Variants in ZNF704 observed in about 807,000 individuals in gnomAD.
ZNF704 encodes glucocorticoid induced gene 1.
Under a neutral mutation model 44.7 loss-of-function variants are expected in ZNF704, and 10 were observed. The observed-to-expected ratio is 0.22, with a 90% CI of 0.14 to 0.38. ZNF704 has a LOEUF of 0.38. Among genes scored for constraint, ZNF704 ranks in the 10% least tolerant of loss-of-function variants. The probability of loss-of-function intolerance (pLI) is 1.00; values close to 1 mark genes in which losing one functional copy is unlikely to be tolerated. For synonymous variants in ZNF704, 211 were observed against 207.6 expected (o/e 1.02, Z -0.14); for missense variants, 390 against 545.5 (o/e 0.71, Z 2.84).
intron 2 of ZNF704, among the ~76,000 whole-genome samples, chr8:80,811,919 G>A (rs770052980): frequency 6.6e-6 from 1 of 152,110 alleles, no homozygotes. Context: ...TCAAAGGCAC[G>A]TGAACCCTAT....
chr8:80,765,138 G>A (rs188780989), intron 2 of ZNF704, among the ~76,000 whole-genome samples: 116 of 152,256 alleles, frequency 7.6e-4, no homozygotes, highest in African/African-American at 2.8e-3. Flanking sequence ...CAGGCCTTGG[G>A]GGGGCCACTG....
intron 2 of ZNF704, among the ~76,000 whole-genome samples, chr8:80,753,630 T>C (rs532968436): frequency 3.3e-5 from 5 of 152,314 alleles, no homozygotes; most frequent in Admixed American, 6.5e-5. Flanking sequence ...CCCCTTCCAA[T>C]TCTAACGAGT....
At chr8:80,838,481 A>C (rs899065201) in intron 1 of ZNF704, among the ~76,000 whole-genome samples, 3 of 152,122 alleles carry the variant, frequency 2.0e-5, no homozygotes, top group African/African-American at 7.2e-5. Context: ...GGTGATGAAG[A>C]AGCACAGACT....
In ZNF704 at chr8:80,784,008, A is replaced by T. The variant is rs140902690; in HGVS notation, c.221+37366T>A. 2.4e-3 allele frequency among the ~76,000 whole-genome samples: 370 copies of T among 151,990 alleles called. 2 individuals are homozygous for T. The highest frequency in any genetic ancestry group is 8.6e-3 in the African/African-American group (355 of 41,436). ...TAGCCTTTTCAGATTGGCTTCTTTCACTTAGTGGTGTGCATTTAAGCTTCT... is the reference window on the plus strand; with the variant it reads ...TAGCCTTTTCAGATTGGCTTCTTTCTCTTAGTGGTGTGCATTTAAGCTTCT... On this transcript the variant is annotated intron_variant, in intron 2 of 8. Transcript: ENST00000327835.
At chr8:80,774,050 C>CTT (rs113962202) in intron 2 of ZNF704, among the ~76,000 whole-genome samples, 1 of 142,962 alleles carries the variant, frequency 7.0e-6, no homozygotes, top group South Asian at 2.3e-4. Flanking sequence ...TTTAAATCTT[C>CTT]TTTTTTTTTT....
rs536258333 is a variant in ZNF704 at position 80,709,734 on chromosome 8, G to A, written c.222-16627C>T. Among the ~76,000 whole-genome samples the A allele has an allele frequency of 2.2e-4, 33 of 152,186 alleles. No individual in the cohort carries two copies. The Middle Eastern group carries it at 0.01, about 47-fold the overall frequency. Reference sequence around the variant, plus strand: ...CCTGAGAAAAGGTTGCCCATTAGAGGGCTCCTGTGTCAGGTAGGATAGCCT... The same window carrying A: ...CCTGAGAAAAGGTTGCCCATTAGAGAGCTCCTGTGTCAGGTAGGATAGCCT... On this transcript the variant is annotated intron_variant, in intron 2 of 8. Coordinates refer to ENST00000327835, the MANE Select transcript of ZNF704 (RefSeq NM_001033723.3).
intron 1 of ZNF704, among the ~76,000 whole-genome samples, chr8:80,836,477 G>C (rs1808584494): frequency 6.6e-6 from 1 of 152,028 alleles, no homozygotes; most frequent in Admixed American, 6.6e-5. Flanking sequence ...TTCTATATCA[G>C]CTACAGAATT....
chr8:80,771,420 T>C (rs1357152720), intron 2 of ZNF704, among the ~76,000 whole-genome samples: 1 of 152,160 alleles, frequency 6.6e-6, no homozygotes, highest in East Asian at 1.9e-4. Flanking sequence ...GTACATGTTT[T>C]ATTAGATTTA....
chr8:80,862,067 G>A (rs1171440360), intron 1 of ZNF704, among the ~76,000 whole-genome samples: 3 of 135,598 alleles, frequency 2.2e-5, no homozygotes, highest in South Asian at 2.3e-4. Flanking sequence ...GCAGTGGTGC[G>A]ATCTTGGCTC....
At chr8:80,782,147 C>G (rs1807536521) in intron 2 of ZNF704, among the ~76,000 whole-genome samples, 1 of 152,160 alleles carries the variant, frequency 6.6e-6, no homozygotes, top group African/African-American at 2.4e-5. Flanking sequence ...GTTAGCGCAG[C>G]TGGGATATAT....
intron 1 of ZNF704, among the ~76,000 whole-genome samples, chr8:80,859,259 A>G (rs1162925517): frequency 6.6e-6 from 1 of 152,240 alleles, no homozygotes; most frequent in Non-Finnish European, 1.5e-5. Flanking sequence ...TCTATGCTAA[A>G]GTAAAAAGAT....
chr8:80,838,364 A>T (rs1050731392), intron 1 of ZNF704, among the ~76,000 whole-genome samples: 1 of 152,200 alleles, frequency 6.6e-6, no homozygotes, highest in Non-Finnish European at 1.5e-5. Context: ...CAAAAAATAT[A>T]TATTACACAA....
intron 2 of ZNF704, among the ~76,000 whole-genome samples, chr8:80,772,655 G>A (rs753735384): frequency 6.6e-5 from 10 of 152,170 alleles, no homozygotes; most frequent in African/African-American, 2.4e-4. Context: ...TTCAACATTG[G>A]GGAATACAAT....
At chr8:80,713,949 ATTACT>A (rs1819033020) in intron 2 of ZNF704, among the ~76,000 whole-genome samples, 1 of 152,232 alleles carries the variant, frequency 6.6e-6, no homozygotes, top group African/African-American at 2.4e-5. Context: ...TCCTAAAATG[ATTACT>A]TTAACTTGAT....
chr8:80,745,447 T>C (rs1024093965), intron 2 of ZNF704, among the ~76,000 whole-genome samples: 1 of 152,100 alleles, frequency 6.6e-6, no homozygotes, highest in Admixed American at 6.5e-5. Flanking sequence ...AGAAAAATGC[T>C]CTGAGGGGAA....
At chr8:80,767,673 T>C (rs1032225475) in intron 2 of ZNF704, among the ~76,000 whole-genome samples, 2 of 152,234 alleles carry the variant, frequency 1.3e-5, no homozygotes, top group African/African-American at 4.8e-5. Flanking sequence ...TTATTGATAC[T>C]AAGCAGCTAC....
intron 2 of ZNF704, among the ~76,000 whole-genome samples, chr8:80,794,981 A>C (rs1807773572): frequency 6.6e-6 from 1 of 152,242 alleles, no homozygotes; most frequent in South Asian, 2.1e-4. Context: ...CATTGCACAG[A>C]GACAGAAGTG....
chr8:80,738,896 C>T (rs139616616), intron 2 of ZNF704, among the ~76,000 whole-genome samples: 221 of 152,246 alleles, frequency 1.5e-3, no homozygotes, highest in African/African-American at 5.0e-3. Context: ...GATGGTCAAT[C>T]CCTTTATGCT....
At chr8:80,710,839 C>T (rs913805802) in intron 2 of ZNF704, among the ~76,000 whole-genome samples, 1 of 152,202 alleles carries the variant, frequency 6.6e-6, no homozygotes, top group Non-Finnish European at 1.5e-5. Context: ...CAGACTAAGA[C>T]AGCGGTTTTC....
Sources: gnomAD v4.1 joint callset for allele counts (sites outside exome capture counted in the v4.1 genomes callset) on GRCh38, gnomAD v4.1.1 for gene constraint, MANE v1.5 for transcripts, NCBI Gene and HGNC (gene_info 2026-07-23, HGNC 2026-07-21) for gene names.